The following SCIN variants were observed in gnomAD, a reference collection of about 807,000 sequenced individuals.
SCIN encodes adseverin.
SCIN carries 91 observed loss-of-function variants against 91.8 expected under a neutral mutation model. That is an observed-to-expected ratio of 0.99 (90% CI 0.84 to 1.18). The LOEUF (loss-of-function observed/expected upper bound fraction) is 1.18. Among genes scored for constraint, SCIN ranks in the 50% most tolerant of loss-of-function variants. The probability of loss-of-function intolerance (pLI) is 0.00; values close to 1 mark genes in which losing one functional copy is unlikely to be tolerated. For missense variants in SCIN, 1,087 were observed against 863.9 expected (o/e 1.26, Z -3.24); for synonymous variants, 367 against 312.6 (o/e 1.17, Z -1.84).
At chr7:12,616,894 G>A (rs910280665) in intron 4 of SCIN, among the ~76,000 whole-genome samples, 2 of 152,108 alleles carry the variant, frequency 1.3e-5, no homozygotes, top group Admixed American at 1.3e-4. Context: ...CTCTTCTGCT[G>A]ATTGCATAAA....
At chr7:12,623,079 T>C (rs559187113) in intron 5 of SCIN, among the ~76,000 whole-genome samples, 186 bp downstream of exon 5, 1 of 152,324 alleles carries the variant, frequency 6.6e-6, no homozygotes, top group South Asian at 2.1e-4. Flanking sequence ...TACTTTTTGT[T>C]ATTTTTATGA....
chr7:12,596,188 C>T (rs1295699370), intron 3 of SCIN: 1 of 346,924 alleles, frequency 2.9e-6, no homozygotes, highest in Non-Finnish European at 5.7e-6. Context: ...GCAGTGCCCT[C>T]CTTACCCTTG....
intron 2 of SCIN, among the ~76,000 whole-genome samples, chr7:12,578,461 T>C (rs1320188777): frequency 2.0e-5 from 3 of 152,206 alleles, no homozygotes; most frequent in African/African-American, 7.2e-5. Flanking sequence ...ATTTGATAGG[T>C]TAATTTTTTA....
chr7:12,644,479 A>G (rs1783918878), intron 12 of SCIN, 105 bp from the exon 13 acceptor site: 2 of 1,498,336 alleles, frequency 1.3e-6, no homozygotes, highest in African/African-American at 2.8e-5. Flanking sequence ...TCTTTAAGTA[A>G]TTTCTCAACA....
chr7:12,596,036 A>G lies in SCIN; in HGVS notation c.517-8478A>G, dbSNP rs570054178. ...GTGGAAGTTTATTTTTAAAGAGCTTAGAACAGGAAGGAAAAGAAAGGAACG... is the reference window on the plus strand; with the variant it reads ...GTGGAAGTTTATTTTTAAAGAGCTTGGAACAGGAAGGAAAAGAAAGGAACG... On this transcript the variant is annotated intron_variant, in intron 3 of 15. Transcript: ENST00000297029. Among the ~76,000 whole-genome samples, 5 of 152,346 alleles carry G rather than the reference A, an allele frequency of 3.3e-5. No homozygotes were observed. In the South Asian group the frequency reaches 1.0e-3, roughly 32 times the overall value.
At chr7:12,574,231 G>A (rs540080061) in intron 1 of SCIN, among the ~76,000 whole-genome samples, 15 of 152,090 alleles carry the variant, frequency 9.9e-5, no homozygotes, top group Non-Finnish European at 1.9e-4. Flanking sequence ...ACAAACTATT[G>A]ATACATACAA....
At chr7:12,610,593 T>C (rs1783170577) in intron 4 of SCIN, among the ~76,000 whole-genome samples, 1 of 152,216 alleles carries the variant, frequency 6.6e-6, no homozygotes, top group South Asian at 2.1e-4. Flanking sequence ...TTCTGTTTTT[T>C]AGGGGATAGT....
At position 12,600,077 on chromosome 7, in the gene SCIN, G is replaced by A. The variant is rs145439687; in HGVS notation, c.517-4437G>A. ...TTGCTTTTGGGTTCTTGGTCATGAAGTCTTTGCTTAAGCCAATGTCTAGAA... is the reference window on the plus strand; with the variant it reads ...TTGCTTTTGGGTTCTTGGTCATGAAATCTTTGCTTAAGCCAATGTCTAGAA... On this transcript the variant is annotated intron_variant, in intron 3 of 15. Transcript: ENST00000297029. Among the ~76,000 whole-genome samples the A allele has an allele frequency of 6.5e-3, 992 of 152,262 alleles. 39 individuals are homozygous for A. Among genetic ancestry groups the A allele is most frequent in the Admixed American group, 0.052 (796 of 15,278 alleles).
At chr7:12,601,732 T>G (rs1309859262) in intron 3 of SCIN, among the ~76,000 whole-genome samples, 1 of 152,264 alleles carries the variant, frequency 6.6e-6, no homozygotes. Flanking sequence ...TCTGAATCTC[T>G]TAAAACTGTT....
Position 12,659,431 on chromosome 7 carries a change from G to A in SCIN, c.*6716G>A, listed in dbSNP as rs1784223777. On this transcript the variant is annotated 3_prime_UTR_variant, in exon 16 of 16. Transcript: ENST00000297029. Reference sequence around the variant, plus strand: ...GCTAGATTTGTCCATGAAAGCAGGAGATTCCCTTAACTGGTGATGCCTGAA... The same window carrying A: ...GCTAGATTTGTCCATGAAAGCAGGAAATTCCCTTAACTGGTGATGCCTGAA... 6.6e-6 allele frequency: 1 copy of A among 152,206 alleles called. No homozygotes were observed. 9.4% of individuals were successfully genotyped at this position (152,206 alleles called of 1,614,324 possible).
chr7:12,573,671 C>T (rs1164202586), intron 1 of SCIN, among the ~76,000 whole-genome samples: 1 of 152,168 alleles, frequency 6.6e-6, no homozygotes, highest in Non-Finnish European at 1.5e-5. Flanking sequence ...TTCCTTATAG[C>T]ACCAAATCAA....
chr7:12,605,144 C>T (rs1012068082), intron 4 of SCIN, among the ~76,000 whole-genome samples: 9 of 152,084 alleles, frequency 5.9e-5, no homozygotes, highest in East Asian at 1.9e-4. Flanking sequence ...CTCTGCCTCC[C>T]GGGTTCACGC....
chr7:12,642,583 A>G (rs1440737276), intron 11 of SCIN, among the ~76,000 whole-genome samples: 2 of 149,620 alleles, frequency 1.3e-5, no homozygotes, highest in South Asian at 2.2e-4. Context: ...AGCCACCTCA[A>G]TCAGGTATCC....
chr7:12,570,748 C>A lies in SCIN; in HGVS notation c.-39C>A. 1 of 1,540,382 alleles carries A rather than the reference C, an allele frequency of 6.5e-7. No homozygotes were observed. The highest frequency in any genetic ancestry group is 8.8e-7 in the Non-Finnish European group (1 of 1,141,338). On this transcript the variant is annotated 5_prime_UTR_variant, in exon 1 of 16. Coordinates refer to ENST00000297029, the MANE Select transcript of SCIN (RefSeq NM_001112706.3). ...TGCTCTCGGTTTAGTCCAAGATCAG[C>A]GATATCACGCGTCCCCCGGAGCATC...
intron 1 of SCIN, 159 bp from the exon 2 acceptor site, chr7:12,577,905 T>C (rs1346800745): frequency 3.2e-6 from 2 of 631,014 alleles, no homozygotes; most frequent in Non-Finnish European, 5.1e-6. Context: ...AGCAAAATAA[T>C]GTATTACATA....
At chr7:12,623,605 T>A (rs1783454104) in intron 5 of SCIN, among the ~76,000 whole-genome samples, 1 of 152,308 alleles carries the variant, frequency 6.6e-6, no homozygotes, top group South Asian at 2.1e-4. Context: ...AGTGGTATTC[T>A]TCCAGTGTTC....
intron 3 of SCIN, among the ~76,000 whole-genome samples, chr7:12,596,589 C>T (rs931481730): frequency 3.9e-5 from 6 of 152,096 alleles, no homozygotes; most frequent in Admixed American, 1.3e-4. Flanking sequence ...TGTAACAATA[C>T]GCATGAAGAA....
chr7:12,620,543 C>T (rs1022599632), intron 4 of SCIN, among the ~76,000 whole-genome samples: 1 of 152,092 alleles, frequency 6.6e-6, no homozygotes, highest in Non-Finnish European at 1.5e-5. Flanking sequence ...GATCTAGAGT[C>T]ATATTCCTAC....
chr7:12,593,740 C>T (rs534140395), intron 3 of SCIN, among the ~76,000 whole-genome samples: 1 of 152,088 alleles, frequency 6.6e-6, no homozygotes, highest in Admixed American at 6.5e-5. Flanking sequence ...GGCTACAGTA[C>T]ACTTGGCCAG....
Sources: gnomAD v4.1 joint callset for allele counts (sites outside exome capture counted in the v4.1 genomes callset) on GRCh38, gnomAD v4.1.1 for gene constraint, MANE v1.5 for transcripts, NCBI Gene and HGNC (gene_info 2026-07-23, HGNC 2026-07-21) for gene names.